The following ZYX variants were observed in gnomAD, a reference collection of about 807,000 sequenced individuals.
The protein encoded by ZYX is zyxin, also known as zyxin-2.
A neutral mutation model predicts 58.1 loss-of-function variants in ZYX; 37 were observed. The ratio of observed to expected loss-of-function variants is 0.64; its 90% confidence interval spans 0.49 to 0.84. The LOEUF is 0.84. ZYX is among the 40% of genes least tolerant of loss of function. ZYX has a pLI of 0.00. For synonymous variants in ZYX, 324 were observed against 321.1 expected (o/e 1.01, Z -0.10); for missense variants, 762 against 761.6 (o/e 1.00, Z -0.01).
At position 143,390,986 on chromosome 7, in the gene ZYX, C is replaced by G. The variant is rs953400717; in HGVS notation, c.*304C>G. On this transcript the variant is annotated 3_prime_UTR_variant, in exon 10 of 10. Coordinates refer to ENST00000322764, the MANE Select transcript of ZYX (RefSeq NM_003461.5). The surrounding 1 kb of genome is among the most constrained non-coding windows in gnomAD (Gnocchi z 4.3). Reference sequence around the variant, plus strand: ...CTGCTGCACCCGCGCCCTCGGCCGGCCCCCCGAGCAGCCTTTGTACTCTGC... The same window carrying G: ...CTGCTGCACCCGCGCCCTCGGCCGGGCCCCCGAGCAGCCTTTGTACTCTGC... The G allele has an allele frequency of 5.0e-5, 20 of 399,754 alleles. No individual in the cohort carries two copies. The highest frequency in any genetic ancestry group is 8.3e-5 in the Admixed American group (2 of 24,102). 24.8% of individuals were successfully genotyped at this position (399,754 alleles called of 1,614,324 possible).
At position 143,389,969 on chromosome 7, in the gene ZYX, A is replaced by C. The variant is rs1185944501; in HGVS notation, c.1606A>C (p.Lys536Gln). The C allele has an allele frequency of 2.6e-5, 42 of 1,613,856 alleles. No homozygotes were observed. Among genetic ancestry groups the C allele is most frequent in the Non-Finnish European group, 3.5e-5 (41 of 1,179,940 alleles). The change falls in exon 9 of 10, where the codon AAG becomes CAG. Residue 536 changes from lysine (K) to glutamine (Q), a missense_variant. Transcript: ENST00000322764. This position sits in a 1 kb window ranked among gnomAD's most constrained non-coding sequence, Gnocchi z 5.6. ...CAAGAACTTCCACATGAAGTGTTAC[A>C]AGTGTGAGGTCAGCCATCCCTCTGG... The part of the protein sequence containing the change: ...LDKNFHMKCY[K>Q]CEDCGKPLSI...
Position 143,389,059 on chromosome 7 carries a change from C to T in ZYX, c.1493+114C>T. The T allele has an allele frequency of 8.0e-7, 1 of 1,254,718 alleles. No individual in the cohort carries two copies. The highest frequency in any genetic ancestry group is 1.1e-6 in the Non-Finnish European group (1 of 912,106). The allele number at this position is 1,254,718 out of a possible 1,614,324, so 77.7% of individuals were successfully genotyped here. A position where few individuals can be genotyped will look rare whatever the true frequency, so the allele number is the denominator to read the frequency against. ...AACCCCTGGTGGTGTTTTCTGGTCC[C>T]ATGTCCTGTCTGTAAACAGCAGGGA... On this transcript the variant is annotated intron_variant, in intron 8 of 9. Transcript: ENST00000322764. The surrounding 1 kb of genome is among the most constrained non-coding windows in gnomAD (Gnocchi z 5.6).
chr7:143,382,376 A>C lies in ZYX; in HGVS notation c.337A>C (p.Ile113Leu), dbSNP rs1217719584. ...SFPPAPLEEE[I>L]FPSPPPPPEE... ...TCCCCCTGCGCCTCTGGAGGAGGAG[A>C]TCTTCCCTTCCCCGCCGCCTCCTCC... The change falls in exon 3 of 10, where the codon ATC (isoleucine) becomes CTC (leucine). Residue 113 changes from isoleucine to leucine, a missense_variant. Transcript: ENST00000322764. The C allele has an allele frequency of 5.7e-6, 9 of 1,583,880 alleles. No homozygotes were observed. In the African/African-American group the frequency reaches 8.2e-5, roughly 14 times the overall value.
Position 143,389,917 on chromosome 7 carries a change from TGAGACTGTGCGA to T in ZYX, c.1556_1567del (p.Glu519_Arg522del). 2 of 1,612,932 alleles carry T rather than the reference TGAGACTGTGCGA, an allele frequency of 1.2e-6. No homozygotes were observed. Among genetic ancestry groups the T allele is most frequent in the Non-Finnish European group, 1.7e-6 (2 of 1,178,916 alleles). On this transcript the variant is annotated inframe_deletion, in exon 9 of 10. Coordinates refer to ENST00000322764, the MANE Select transcript of ZYX (RefSeq NM_003461.5). This position sits in a 1 kb window ranked among gnomAD's most constrained non-coding sequence, Gnocchi z 5.6. The stretch of plus-strand genomic sequence containing the variant: ...CCATCATGCCTGAGCCTGGCCGAGA[TGAGACTGTGCGA>T]GTGGTCGCCCTGGACAAGAACTTCC...
chr7:143,382,782 CCT>C lies in ZYX; in HGVS notation c.502-15_502-14del. The C allele has an allele frequency of 6.2e-7, 1 of 1,608,238 alleles. No individual in the cohort carries two copies. ...TGTCCTCCTGACTGCATCTCTCTTC[CCT>C]CTCCCACCCCTTGCAGGTGTCATCT... On this transcript the variant is annotated splice_polypyrimidine_tract_variant and intron_variant, in intron 4 of 9. Transcript: ENST00000322764.
chr7:143,383,662 GT>G (rs1228884163), intron 5 of ZYX, among the ~76,000 whole-genome samples: 1 of 152,198 alleles, frequency 6.6e-6, no homozygotes, highest in Non-Finnish European at 1.5e-5. Context: ...TTCCACCTTG[GT>G]TTTTCCCATT....
rs1804974496 is a variant in ZYX at position 143,389,031 on chromosome 7, C to G, written c.1493+86C>G. The G allele has an allele frequency of 1.4e-6, 2 of 1,463,438 alleles. No individual in the cohort carries two copies. Among genetic ancestry groups the G allele is most frequent in the African/African-American group, 2.8e-5 (2 of 71,242 alleles). 90.7% of individuals were successfully genotyped at this position (1,463,438 alleles called of 1,614,324 possible). A position where few individuals can be genotyped will look rare whatever the true frequency, so the allele number is the denominator to read the frequency against. ...TTGCTACCCTAGCCTCAGGACAGCC[C>G]CAAACCCCTGGTGGTGTTTTCTGGT... On this transcript the variant is annotated intron_variant, in intron 8 of 9. Coordinates refer to ENST00000322764, the MANE Select transcript of ZYX (RefSeq NM_003461.5). The surrounding 1 kb of genome is among the most constrained non-coding windows in gnomAD (Gnocchi z 5.6).
Position 143,382,956 on chromosome 7 carries a change from G to C in ZYX, c.657G>C (p.Gln219His). The change falls in exon 5 of 10, where the codon CAG becomes CAC. Residue 219 changes from glutamine to histidine, a missense_variant. Gln to His is a conservative substitution (Grantham distance 24, BLOSUM62 0). Transcript: ENST00000322764. ...AGGTTCCGGCTCCGGCTCAGAGCCA[G>C]ACACAGTTCCATGTTCAGCCCCAGC... Reference protein sequence around the residue: ...LPQVPAPAQSQTQFHVQPQPQ... With the variant: ...LPQVPAPAQSHTQFHVQPQPQ... 1.2e-6 allele frequency: 2 copies of C among 1,613,886 alleles called. No homozygotes were observed. The highest frequency in any genetic ancestry group is 1.7e-6 in the Non-Finnish European group (2 of 1,179,864).
Position 143,389,900 on chromosome 7 carries a change from C to T in ZYX, c.1537C>T (p.Pro513Ser). ...RCSVCSEPIM[P>S]EPGRDETVRV... ...CTCCGTCTGCTCTGAGCCCATCATGCCTGAGCCTGGCCGAGATGAGACTGT... is the reference window on the plus strand; with the variant it reads ...CTCCGTCTGCTCTGAGCCCATCATGTCTGAGCCTGGCCGAGATGAGACTGT... Residue 513 changes from proline to serine, a missense_variant, in exon 9 of 10, where the codon CCT (proline) becomes TCT (serine). Physicochemically the swap from Pro to Ser is moderately conservative, Grantham distance 74. Coordinates refer to ENST00000322764, the MANE Select transcript of ZYX (RefSeq NM_003461.5). The surrounding 1 kb of genome is among the most constrained non-coding windows in gnomAD (Gnocchi z 5.6). The T allele has an allele frequency of 6.2e-7, 1 of 1,614,182 alleles. No homozygotes were observed. Among genetic ancestry groups the T allele is most frequent in the Non-Finnish European group, 8.5e-7 (1 of 1,179,998 alleles).
chr7:143,390,919 C>A lies in ZYX; in HGVS notation c.*237C>A, dbSNP rs369594668. The A allele has an allele frequency of 3.8e-6, 2 of 524,292 alleles. No homozygotes were observed. Among genetic ancestry groups the A allele is most frequent in the African/African-American group, 1.9e-5 (1 of 51,830 alleles). The allele number at this position is 524,292 out of a possible 1,614,324, so 32.5% of individuals were successfully genotyped here. ...GGGATTGCCCACCGTCTTCCAGACA[C>A]CCCACCTGAGGGGGGCACCAGGTTT... is the stretch of plus-strand genomic sequence containing the variant. On this transcript the variant is annotated 3_prime_UTR_variant, in exon 10 of 10. Coordinates refer to ENST00000322764, the MANE Select transcript of ZYX (RefSeq NM_003461.5). This position sits in a 1 kb window ranked among gnomAD's most constrained non-coding sequence, Gnocchi z 4.3.
chr7:143,383,122 C>G lies in ZYX; in HGVS notation c.823C>G (p.Pro275Ala). ...KFSPVTPKFT[P>A]VASKFSPGAP... ...TTCTCCAGTGACTCCTAAGTTTACT[C>G]CTGTGGCTTCCAAGTTCAGTCCTGG... The change falls in exon 5 of 10, where the codon CCT (proline) becomes GCT (alanine). Residue 275 changes from proline (P) to alanine (A), a missense_variant. By Grantham distance (27) the Pro-to-Ala change is conservative. Coordinates refer to ENST00000322764, the MANE Select transcript of ZYX (RefSeq NM_003461.5). 1 of 1,614,212 alleles carries G rather than the reference C, an allele frequency of 6.2e-7. No homozygotes were observed. The highest frequency in any genetic ancestry group is 8.5e-7 in the Non-Finnish European group (1 of 1,180,046).
Position 143,384,424 on chromosome 7 carries a change from G to T in ZYX, c.1023+1102G>T, listed in dbSNP as rs1345817093. ...TTGGAGAGGCAAGCGGGGCTGGAGGGTGTAGGAGGTGAAGTGGCTCACCCA... is the reference window on the plus strand; with the variant it reads ...TTGGAGAGGCAAGCGGGGCTGGAGGTTGTAGGAGGTGAAGTGGCTCACCCA... On this transcript the variant is annotated intron_variant, in intron 5 of 9. Transcript: ENST00000322764. This position sits in a 1 kb window ranked among gnomAD's most constrained non-coding sequence, Gnocchi z 4.9. 6.6e-6 allele frequency among the ~76,000 whole-genome samples: 1 copy of T among 152,180 alleles called. No individual in the cohort carries two copies. Among genetic ancestry groups the T allele is most frequent in the East Asian group, 1.9e-4 (1 of 5,186 alleles).
Position 143,388,435 on chromosome 7 carries a change from T to G in ZYX, c.1145-54T>G. The G allele has an allele frequency of 6.2e-7, 1 of 1,604,586 alleles. No individual in the cohort carries two copies. The highest frequency in any genetic ancestry group is 8.5e-7 in the Non-Finnish European group (1 of 1,173,204). ...CTCCCTATCTGAGCTGGCTGATCCC[T>G]CGCAGCTCTACATACTTCCTTCTAT... On this transcript the variant is annotated intron_variant, in intron 6 of 9. Transcript: ENST00000322764. This position sits in a 1 kb window ranked among gnomAD's most constrained non-coding sequence, Gnocchi z 7.5.
rs1174664037 is a variant in ZYX, at chr7:143,387,658, C to T, written c.1024-561C>T. 2 of 469,598 alleles carry T rather than the reference C, an allele frequency of 4.3e-6. No homozygotes were observed. Among genetic ancestry groups the T allele is most frequent in the Non-Finnish European group, 8.8e-6 (2 of 226,148 alleles). The allele number at this position is 469,598 out of a possible 1,614,324, so 29.1% of individuals were successfully genotyped here. On this transcript the variant is annotated intron_variant, in intron 5 of 9. Coordinates refer to ENST00000322764, the MANE Select transcript of ZYX (RefSeq NM_003461.5). This position sits in a 1 kb window ranked among gnomAD's most constrained non-coding sequence, Gnocchi z 5.8. ...AGTGAGGTAGTTCAGAGGCCCCTCA[C>T]TCGAGGGACAGGGTCTCTGTGTGGG...
At chr7:143,383,857 A>G (rs899491313) in intron 5 of ZYX, among the ~76,000 whole-genome samples, 1 of 152,228 alleles carries the variant, frequency 6.6e-6, no homozygotes, top group Non-Finnish European at 1.5e-5. Flanking sequence ...CTCAGCCTTC[A>G]GGTGTCAGAT....
At position 143,389,915 on chromosome 7, in the gene ZYX, GA is replaced by G; in HGVS notation, c.1553del (p.Asp518ValfsTer15). 1 of 1,614,208 alleles carries G rather than the reference GA, an allele frequency of 6.2e-7. No homozygotes were observed. Among genetic ancestry groups the G allele is most frequent in the Non-Finnish European group, 8.5e-7 (1 of 1,180,016 alleles). The part of the protein sequence containing the change: ...SEPIMPEPGR[D>X]ETVRVVALDK... ...GCCCATCATGCCTGAGCCTGGCCGAGATGAGACTGTGCGAGTGGTCGCCCTG... is the reference window on the plus strand; with the variant it reads ...GCCCATCATGCCTGAGCCTGGCCGAGTGAGACTGTGCGAGTGGTCGCCCTG... On this transcript the variant is annotated frameshift_variant, in exon 9 of 10. Transcript: ENST00000322764. LOFTEE classifies it high-confidence loss of function. The surrounding 1 kb of genome is among the most constrained non-coding windows in gnomAD (Gnocchi z 5.6).
intron 5 of ZYX, among the ~76,000 whole-genome samples, 159 bp downstream of exon 5, chr7:143,383,481 G>A (rs1804738469): frequency 1.3e-5 from 2 of 152,084 alleles, no homozygotes; most frequent in Non-Finnish European, 1.5e-5. Flanking sequence ...TTAGCCTGGT[G>A]GAACAATGGT....
At position 143,382,792 on chromosome 7, in the gene ZYX, C is replaced by T. The variant is rs111823726; in HGVS notation, c.502-9C>T. 670 of 1,607,192 alleles carry T rather than the reference C, an allele frequency of 4.2e-4. 3 individuals are homozygous for T. In the African/African-American group the frequency reaches 7.8e-3, roughly 19 times the overall value. ...ACTGCATCTCTCTTCCCTCTCCCACCCCTTGCAGGTGTCATCTGGATATGT... is the reference window on the plus strand; with the variant it reads ...ACTGCATCTCTCTTCCCTCTCCCACTCCTTGCAGGTGTCATCTGGATATGT... On this transcript the variant is annotated splice_polypyrimidine_tract_variant and intron_variant, in intron 4 of 9. Transcript: ENST00000322764.
rs5888100 is a variant in ZYX at position 143,391,087 on chromosome 7, T to TA, written c.*414dup. The TA allele has an allele frequency of 9.3e-4, 285 of 306,958 alleles. No individual in the cohort carries two copies. The highest frequency in any genetic ancestry group is 3.4e-3 in the South Asian group (78 of 22,988). The allele number at this position is 306,958 out of a possible 1,614,324, so 19.0% of individuals were successfully genotyped here. Reference sequence around the variant, plus strand: ...GCCAAGTTGTAGCTATAGCTACAAATAAAAAAAAACCTTGTTTTCCAGAAT... The same window carrying TA: ...GCCAAGTTGTAGCTATAGCTACAAATAAAAAAAAAACCTTGTTTTCCAGAAT... On this transcript the variant is annotated 3_prime_UTR_variant, in exon 10 of 10. Transcript: ENST00000322764.
Sources: gnomAD v4.1 joint callset for allele counts (sites outside exome capture counted in the v4.1 genomes callset) on GRCh38, gnomAD v4.1.1 for gene constraint, Gnocchi (gnomAD v3.1) non-coding constraint, MANE v1.5 for transcripts, NCBI Gene and HGNC (gene_info 2026-07-23, HGNC 2026-07-21) for gene names.